The following EPB41L2 variants were observed in gnomAD, a reference collection of about 807,000 sequenced individuals.
EPB41L2 encodes the protein band 4.1-like protein 2.
Under a neutral mutation model 113.0 loss-of-function variants are expected in EPB41L2, and 43 were observed. The observed-to-expected ratio is 0.38, with a 90% confidence interval of 0.30 to 0.49. EPB41L2 has a LOEUF of 0.49. Among genes scored for constraint, EPB41L2 ranks in the 20% least tolerant of loss-of-function variants. The probability of loss-of-function intolerance (pLI) is 0.95; values close to 1 mark genes in which losing one functional copy is unlikely to be tolerated. For missense variants in EPB41L2, 1,147 were observed against 1,223.4 expected (o/e 0.94, Z 0.93); for synonymous variants, 442 against 436.7 (o/e 1.01, Z -0.15).
At chr6:131,029,913 T>C (rs1791749744) in intron 1 of EPB41L2, among the ~76,000 whole-genome samples, 2 of 151,972 alleles carry the variant, frequency 1.3e-5, no homozygotes, top group African/African-American at 4.8e-5. Flanking sequence ...CTTTTTTTTT[T>C]TTTTATGCAG....
chr6:130,845,014 C>T (rs1583463259), intron 19 of EPB41L2, among the ~76,000 whole-genome samples: 3 of 152,348 alleles, frequency 2.0e-5, no homozygotes, highest in Middle Eastern at 6.8e-3. Flanking sequence ...TGCACTCCAG[C>T]CTGGCTGCCA....
chr6:130,869,825 C>T lies in EPB41L2; in HGVS notation c.2345G>A (p.Arg782His), dbSNP rs147524336. ...EYEEEVEEEP[R>H]PAAKVVEREE... ...CCTCTCTACTACCTTGGCTGCCGGGCGGGGTTCTTCCTCCACCTCTTCTTC... is the reference window on the plus strand; with the variant it reads ...CCTCTCTACTACCTTGGCTGCCGGGTGGGGTTCTTCCTCCACCTCTTCTTC... Residue 782 changes from arginine to histidine, a missense_variant, in exon 15 of 20, where the codon CGC (arginine) becomes CAC (histidine). Physicochemically the swap from Arg to His is conservative, Grantham distance 29. Transcript: ENST00000337057. 156 of 1,613,754 alleles carry T rather than the reference C, an allele frequency of 9.7e-5. No homozygotes were observed. The highest frequency in any genetic ancestry group is 6.6e-5 in the South Asian group (6 of 91,050).
At chr6:130,937,833 A>AAAAAAAAAAAAG (rs552248781) in intron 3 of EPB41L2, among the ~76,000 whole-genome samples, 2,649 of 150,050 alleles carry the variant, frequency 0.018, 87 homozygotes, top group African/African-American at 0.063. Flanking sequence ...AAAAAAAAAA[A>AAAAAAAAAAAAG]AAGATTAACA....
rs1028827335 is a variant in EPB41L2, at chr6:130,954,346, C to T, written c.705+759G>A. 4.6e-5 allele frequency among the ~76,000 whole-genome samples: 7 copies of T among 152,226 alleles called. No homozygotes were observed. In the South Asian group the frequency reaches 1.2e-3, roughly 27 times the overall value. On this transcript the variant is annotated intron_variant, in intron 3 of 19. Transcript: ENST00000337057. Reference sequence around the variant, plus strand: ...GGGATTACAGGCTTGAGCCACCGCACCCAGCCCTAAAACTTTGGGCAAGGA... The same window carrying T: ...GGGATTACAGGCTTGAGCCACCGCATCCAGCCCTAAAACTTTGGGCAAGGA...
intron 4 of EPB41L2, among the ~76,000 whole-genome samples, chr6:130,919,237 A>G (rs1473486781): frequency 6.6e-6 from 1 of 152,190 alleles, no homozygotes; most frequent in Admixed American, 6.5e-5. Flanking sequence ...AAGAGAAACT[A>G]CCACGTATAA....
In EPB41L2 at chr6:130,939,771, T is replaced by C. The variant is rs80281883; in HGVS notation, c.706-13062A>G. ...AAGCTACCACAATCAAAAGTCTTTT[T>C]AGAAGATATCCAGAGAGCCTAATGG... On this transcript the variant is annotated intron_variant, in intron 3 of 19. Transcript: ENST00000337057. 8.0e-3 allele frequency among the ~76,000 whole-genome samples: 1,219 copies of C among 152,338 alleles called. 11 individuals are homozygous for C. Among genetic ancestry groups the C allele is most frequent in the African/African-American group, 0.026 (1,074 of 41,570 alleles).
intron 13 of EPB41L2, among the ~76,000 whole-genome samples, chr6:130,879,398 C>T (rs1453974448): frequency 6.6e-6 from 1 of 152,236 alleles, no homozygotes; most frequent in African/African-American, 2.4e-5. Flanking sequence ...AATACATTTC[C>T]ATCAGTTACC....
At chr6:130,950,623 C>T (rs1461403487) in intron 3 of EPB41L2, among the ~76,000 whole-genome samples, 3 of 152,206 alleles carry the variant, frequency 2.0e-5, no homozygotes, top group South Asian at 4.1e-4. Context: ...CAAAAATAGA[C>T]CAACAGTAAT....
intron 1 of EPB41L2, chr6:131,062,271 A>G (rs895278522): frequency 6.6e-6 from 1 of 151,346 alleles, no homozygotes; most frequent in Non-Finnish European, 1.5e-5. Context: ...CCCACCACAG[A>G]CCTCAGGCTG....
chr6:131,028,689 C>T (rs1465241344), intron 1 of EPB41L2, among the ~76,000 whole-genome samples: 1 of 152,090 alleles, frequency 6.6e-6, no homozygotes, highest in Non-Finnish European at 1.5e-5. Flanking sequence ...GTATTAATAT[C>T]GCATAAAACC....
chr6:131,058,031 C>G (rs984996564), intron 1 of EPB41L2, among the ~76,000 whole-genome samples: 1 of 152,184 alleles, frequency 6.6e-6, no homozygotes, highest in African/African-American at 2.4e-5. Flanking sequence ...TTGTTCTTAT[C>G]CTTCAATTTA....
chr6:130,902,702 C>T (rs2128499372), intron 6 of EPB41L2, among the ~76,000 whole-genome samples: 1 of 152,272 alleles, frequency 6.6e-6, no homozygotes, highest in African/African-American at 2.4e-5. Context: ...AGAACCTAAA[C>T]ACAAAGATTT....
chr6:130,906,078 G>T (rs1797647333), intron 5 of EPB41L2, among the ~76,000 whole-genome samples: 1 of 152,198 alleles, frequency 6.6e-6, no homozygotes, highest in African/African-American at 2.4e-5. Context: ...GCGCCATGAT[G>T]ACTGTCAAAT....
intron 17 of EPB41L2, among the ~76,000 whole-genome samples, chr6:130,864,208 AT>A (rs1214880546): frequency 6.6e-6 from 1 of 152,010 alleles, no homozygotes; most frequent in Non-Finnish European, 1.5e-5. Flanking sequence ...TGTGATATAT[AT>A]TTTTTTCCCA....
chr6:130,851,964 CACA>C lies in EPB41L2; in HGVS notation c.*5+6164_*5+6166del, dbSNP rs564911758. On this transcript the variant is annotated intron_variant, in intron 19 of 19. Transcript: ENST00000337057. ...CAGTACACAATTCATTCAGGGGACT[CACA>C]AATCTCTCTCCTGCTCAGAAGCCTG... Among the ~76,000 whole-genome samples the C allele has an allele frequency of 3.0e-4, 45 of 152,292 alleles. 1 individual carries two copies. Among genetic ancestry groups the C allele is most frequent in the Admixed American group, 1.9e-3 (29 of 15,296 alleles).
chr6:130,854,590 C>T (rs773863722), intron 19 of EPB41L2, among the ~76,000 whole-genome samples: 81 of 152,056 alleles, frequency 5.3e-4, no homozygotes, highest in Non-Finnish European at 9.1e-4. Flanking sequence ...CTACTGGTAA[C>T]GCTTAGAGTG....
chr6:131,032,374 C>A (rs1038565621), intron 1 of EPB41L2, among the ~76,000 whole-genome samples: 1 of 152,056 alleles, frequency 6.6e-6, no homozygotes, highest in African/African-American at 2.4e-5. Context: ...ACAAGTGCTA[C>A]ATAAACCTTC....
intron 19 of EPB41L2, among the ~76,000 whole-genome samples, chr6:130,854,591 G>A (rs950631127): frequency 4.6e-5 from 7 of 152,242 alleles, no homozygotes; most frequent in South Asian, 4.1e-4. Context: ...TACTGGTAAC[G>A]CTTAGAGTGT....
intron 11 of EPB41L2, among the ~76,000 whole-genome samples, chr6:130,888,646 C>A (rs987614166): frequency 6.6e-6 from 1 of 152,148 alleles, no homozygotes; most frequent in East Asian, 1.9e-4. Context: ...ACAGTGACTG[C>A]ATTTATTCGG....
Sources: gnomAD v4.1 joint callset for allele counts (sites outside exome capture counted in the v4.1 genomes callset) on GRCh38, gnomAD v4.1.1 for gene constraint, MANE v1.5 for transcripts, NCBI Gene and HGNC (gene_info 2026-07-23, HGNC 2026-07-21) for gene names.